The following BAD variants were observed in gnomAD, a reference collection of about 807,000 sequenced individuals.
The protein encoded by BAD is BCL2 associated agonist of cell death, also known as bcl2-associated agonist of cell death.
In BAD, 18 loss-of-function variants were observed where a neutral mutation model predicts 17.8. The observed-to-expected ratio is 1.01, with a 90% confidence interval of 0.70 to 1.50. The LOEUF is 1.50. BAD is among the 40% of genes most tolerant of loss of function. The probability of loss-of-function intolerance (pLI) is 0.00; values close to 1 mark genes in which losing one functional copy is unlikely to be tolerated. For missense variants in BAD, 294 were observed against 239.3 expected (o/e 1.23, Z -1.51); for synonymous variants, 112 against 91.5 (o/e 1.22, Z -1.28).
At chr11:64,272,116 C>T (rs754984748) in intron 2 of BAD, among the ~76,000 whole-genome samples, 7 of 152,148 alleles carry the variant, frequency 4.6e-5, no homozygotes, top group South Asian at 2.1e-4. Flanking sequence ...GTCAGGAGAT[C>T]GAGACCATCC....
chr11:64,274,485 G>A (rs1186585481), intron 2 of BAD, among the ~76,000 whole-genome samples: 6 of 151,944 alleles, frequency 3.9e-5, no homozygotes, highest in South Asian at 2.1e-4. Flanking sequence ...CCAGGAGTTC[G>A]AGATCAGCCT....
At position 64,270,501 on chromosome 11, in the gene BAD, C is replaced by A. The variant is rs1160302180; in HGVS notation, c.379-164G>T. ...GGGCGGTCAGGGACGCTCGCGAGGA[C>A]GCATGGGCCCCCAGGAATGGGAACT... On this transcript the variant is annotated intron_variant, in intron 3 of 3. Coordinates refer to ENST00000309032, the MANE Select transcript of BAD (RefSeq NM_032989.3). The A allele has an allele frequency of 1.4e-5, 13 of 904,078 alleles. No homozygotes were observed. The East Asian group carries it at 3.4e-4, about 24-fold the overall frequency. 56.0% of individuals were successfully genotyped at this position (904,078 alleles called of 1,614,324 possible).
At chr11:64,274,178 G>A (rs985992591) in intron 2 of BAD, among the ~76,000 whole-genome samples, 11 of 148,772 alleles carry the variant, frequency 7.4e-5, no homozygotes, top group African/African-American at 2.7e-4. Flanking sequence ...GCATCACGAG[G>A]TCAGGAGATC....
At chr11:64,273,939 C>G (rs1042710233) in intron 2 of BAD, among the ~76,000 whole-genome samples, 1 of 146,964 alleles carries the variant, frequency 6.8e-6, no homozygotes, top group African/African-American at 2.5e-5. Flanking sequence ...GTCAGGGAGG[C>G]TCTTTGGAGG....
At position 64,269,955 on chromosome 11, in the gene BAD, G is replaced by T. The variant is rs1440424564; in HGVS notation, c.*254C>A. 1.2e-5 allele frequency: 9 copies of T among 741,210 alleles called. No individual in the cohort carries two copies. The highest frequency in any genetic ancestry group is 4.7e-6 in the Non-Finnish European group (2 of 427,352). 45.9% of individuals were successfully genotyped at this position (741,210 alleles called of 1,614,324 possible). A position where few individuals can be genotyped will look rare whatever the true frequency, so the allele number is the denominator to read the frequency against. On this transcript the variant is annotated 3_prime_UTR_variant, in exon 4 of 4. Transcript: ENST00000309032. The stretch of plus-strand genomic sequence containing the variant: ...CGCGACTTAGCGCAGGCGCCTGGGG[G>T]AAAGCCCGGAGCCTGAGGGCGGGGC...
At chr11:64,280,189 G>A (rs952613394) in intron 2 of BAD, among the ~76,000 whole-genome samples, 4 of 150,756 alleles carry the variant, frequency 2.7e-5, no homozygotes, top group Admixed American at 6.6e-5. Context: ...GCATGGTGGC[G>A]GGAGGCTGTA....
At chr11:64,280,960 G>A (rs1454260587) in intron 2 of BAD, among the ~76,000 whole-genome samples, 7 of 146,704 alleles carry the variant, frequency 4.8e-5, no homozygotes, top group South Asian at 4.4e-4. Flanking sequence ...GAGCCACCAC[G>A]CCCGGCCAAT....
At chr11:64,277,455 A>AG (rs1451224483) in intron 2 of BAD, among the ~76,000 whole-genome samples, 2 of 152,220 alleles carry the variant, frequency 1.3e-5, no homozygotes, top group Admixed American at 6.5e-5. Context: ...TTTAAAAAAC[A>AG]GCGACAGGGT....
intron 2 of BAD, among the ~76,000 whole-genome samples, chr11:64,279,577 C>T (rs1052203146): frequency 2.0e-5 from 3 of 150,964 alleles, no homozygotes; most frequent in Non-Finnish European, 3.0e-5. Context: ...CCAGCCTGGC[C>T]AACATGGTGA....
chr11:64,270,449 G>T, intron 3 of BAD, 112 bp from the exon 4 acceptor site: 17 of 1,389,632 alleles, frequency 1.2e-5, no homozygotes, highest in Non-Finnish European at 1.6e-5. Flanking sequence ...GATAATGAAG[G>T]CCACAACTCC....
At chr11:64,282,784 CAGG>C (rs988253722) in intron 2 of BAD, among the ~76,000 whole-genome samples, 2 of 149,634 alleles carry the variant, frequency 1.3e-5, no homozygotes, top group African/African-American at 4.9e-5. Flanking sequence ...GAGGCTGAGG[CAGG>C]AGAACTGCTT....
At chr11:64,281,961 C>T (rs766905518) in intron 2 of BAD, among the ~76,000 whole-genome samples, 3 of 152,094 alleles carry the variant, frequency 2.0e-5, no homozygotes, top group East Asian at 1.9e-4. Context: ...CCTTGTGATA[C>T]GCCCACCTAG....
intron 2 of BAD, among the ~76,000 whole-genome samples, chr11:64,280,181 A>C (rs188234250): frequency 2.7e-5 from 4 of 150,750 alleles, no homozygotes; most frequent in Non-Finnish European, 4.4e-5. Flanking sequence ...TTAGCTGGGC[A>C]TGGTGGCGGG....
Position 64,270,113 on chromosome 11 carries a change from T to C in BAD, c.*96A>G. On this transcript the variant is annotated 3_prime_UTR_variant, in exon 4 of 4. Coordinates refer to ENST00000309032, the MANE Select transcript of BAD (RefSeq NM_032989.3). ...TCCAAAGGAGACAGCACGGATCCTC[T>C]TTTTGCATAGGCCTGAGGGAAGTAC... The C allele has an allele frequency of 1.3e-6, 2 of 1,581,742 alleles. No homozygotes were observed. The highest frequency in any genetic ancestry group is 1.3e-5 in the African/African-American group (1 of 74,336).
intron 2 of BAD, among the ~76,000 whole-genome samples, chr11:64,282,997 T>A (rs1018198534): frequency 6.6e-6 from 1 of 151,970 alleles, no homozygotes; most frequent in Non-Finnish European, 1.5e-5. Context: ...CGGGCTGCAG[T>A]GAGCTGAGAT....
At chr11:64,279,206 C>T (rs1326960147) in intron 2 of BAD, among the ~76,000 whole-genome samples, 5 of 152,162 alleles carry the variant, frequency 3.3e-5, no homozygotes, top group Admixed American at 6.5e-5. Flanking sequence ...CATCAAATAA[C>T]TCCATCCCAA....
intron 3 of BAD, 63 bp downstream of exon 3, chr11:64,271,550 G>A: frequency 7.3e-7 from 1 of 1,363,256 alleles, no homozygotes. Context: ...GACAAGGCAG[G>A]GACAGACCGG....
intron 3 of BAD, 45 bp downstream of exon 3, chr11:64,271,568 C>T (rs1473627910): frequency 2.2e-6 from 3 of 1,362,824 alleles, no homozygotes; most frequent in Non-Finnish European, 2.8e-6. Context: ...CGGCGGGGGG[C>T]GGCCTGGTAC....
chr11:64,274,678 A>C (rs1195945201), intron 2 of BAD, among the ~76,000 whole-genome samples: 1 of 152,012 alleles, frequency 6.6e-6, no homozygotes, highest in Admixed American at 6.6e-5. Flanking sequence ...AAAATTAGCC[A>C]GGTGTGGTGG....
Sources: allele counts gnomAD v4.1 joint callset (sites outside exome capture counted in the v4.1 genomes callset), GRCh38; gene constraint gnomAD v4.1.1; transcripts MANE v1.5; gene names NCBI Gene and HGNC (gene_info 2026-07-23, HGNC 2026-07-21).